Variants in BAZ1B observed in about 807,000 individuals in gnomAD.
The protein encoded by BAZ1B is tyrosine-protein kinase BAZ1B.
In BAZ1B, 22 loss-of-function variants were observed where a neutral mutation model predicts 153.8. The ratio of observed to expected loss-of-function variants is 0.14; its 90% CI spans 0.10 to 0.20. BAZ1B has a LOEUF of 0.20. BAZ1B is among the 10% of genes least tolerant of loss of function. The probability of loss-of-function intolerance (pLI) is 1.00; values close to 1 mark genes in which losing one functional copy is unlikely to be tolerated. For synonymous variants in BAZ1B, 676 were observed against 633.4 expected (o/e 1.07, Z -1.01); for missense variants, 1,325 against 1,799.3 (o/e 0.74, Z 4.77).
intron 2 of BAZ1B, among the ~76,000 whole-genome samples, chr7:73,509,092 C>T (rs1394657133): frequency 2.0e-5 from 3 of 151,854 alleles, no homozygotes; most frequent in East Asian, 1.9e-4. Flanking sequence ...GAGGCCAAGG[C>T]GGGCAGATCA....
chr7:73,447,217 G>A (rs1554566869), intron 16 of BAZ1B, 47 bp downstream of exon 16: 1 of 1,612,340 alleles, frequency 6.2e-7, no homozygotes. Flanking sequence ...AGCGTTCCAA[G>A]CTTAGAAGAC....
intron 9 of BAZ1B, among the ~76,000 whole-genome samples, 188 bp downstream of exon 9, chr7:73,469,329 G>GTT (rs1788710643): frequency 1.3e-5 from 2 of 152,128 alleles, no homozygotes; most frequent in African/African-American, 4.8e-5. Flanking sequence ...TAGAACAAAG[G>GTT]TGGTAATCAA....
intron 12 of BAZ1B, among the ~76,000 whole-genome samples, chr7:73,461,717 T>A (rs1788402534): frequency 6.6e-6 from 1 of 152,136 alleles, no homozygotes; most frequent in South Asian, 2.1e-4. Context: ...CTAAAATAGT[T>A]GAAAAGTACT....
Position 73,472,031 on chromosome 7 carries a change from A to G in BAZ1B, c.2594-1548T>C, listed in dbSNP as rs1019860534. Among the ~76,000 whole-genome samples the G allele has an allele frequency of 2.6e-5, 4 of 152,318 alleles. No individual in the cohort carries two copies. In the East Asian group the frequency reaches 7.7e-4, roughly 29 times the overall value. ...GGTTACAGCACTGAACTAGTTATCC[A>G]AAGACCTGAACTCTAATCCAAATAC... On this transcript the variant is annotated intron_variant, in intron 7 of 19. Coordinates refer to ENST00000339594, the MANE Select transcript of BAZ1B (RefSeq NM_032408.4).
At chr7:73,485,337 T>C (rs1487051059) in intron 6 of BAZ1B, among the ~76,000 whole-genome samples, 2 of 152,112 alleles carry the variant, frequency 1.3e-5, no homozygotes, top group Non-Finnish European at 2.9e-5. Context: ...GACAGCAGAT[T>C]AGGCCAGATG....
In BAZ1B at chr7:73,447,274, A is replaced by C; in HGVS notation, c.3834T>G (p.Ala1278=). 1 of 1,613,894 alleles carries C rather than the reference A, an allele frequency of 6.2e-7. No homozygotes were observed. The highest frequency in any genetic ancestry group is 2.2e-5 in the East Asian group (1 of 44,890). ...EEEEEEDYEV[A]GLRLRPRKTI... is the part of the protein sequence containing the mutation. ...AGACAAAATACTTACATCGCAAACC[A>C]GCCACCTCATAATCTTCTTCCTCCT... Residue 1278 remains alanine (A), a synonymous_variant, in exon 16 of 20, where the codon GCT becomes GCG. Coordinates refer to ENST00000339594, the MANE Select transcript of BAZ1B (RefSeq NM_032408.4).
At chr7:73,510,888 AAC>A in intron 1 of BAZ1B, 36 bp from the exon 2 acceptor site, 1 of 1,562,372 alleles carries the variant, frequency 6.4e-7, no homozygotes, top group Non-Finnish European at 8.8e-7. Flanking sequence ...ATATGCAAGC[AAC>A]AGAGACGACA....
intron 4 of BAZ1B, among the ~76,000 whole-genome samples, chr7:73,497,191 C>G (rs1201711018): frequency 6.6e-6 from 1 of 150,604 alleles, no homozygotes; most frequent in African/African-American, 2.5e-5. Context: ...TGCAGTGAGC[C>G]ATGATCGTAC....
At position 73,497,581 on chromosome 7, in the gene BAZ1B, T is replaced by A. The variant is rs1789966057; in HGVS notation, c.571+916A>T. On this transcript the variant is annotated intron_variant, in intron 4 of 19. Transcript: ENST00000339594. ...TGACATACCTAACTCTTTGTTCTTTTTTTACAATATTTCTAGGTTACTCAG... is the reference window on the plus strand; with the variant it reads ...TGACATACCTAACTCTTTGTTCTTTATTTACAATATTTCTAGGTTACTCAG... Among the ~76,000 whole-genome samples, 3 of 152,306 alleles carry A rather than the reference T, an allele frequency of 2.0e-5. 1 individual carries two copies. The South Asian group carries it at 6.2e-4, about 32-fold the overall frequency.
Position 73,447,301 on chromosome 7 carries a change from C to A in BAZ1B, c.3807G>T (p.Glu1269Asp). The change falls in exon 16 of 20, where the codon GAG becomes GAT. Residue 1269 changes from glutamate to aspartate, a missense_variant. This residue lies in a region of BAZ1B where 271 missense variants were observed against 337.2 expected (regional missense o/e 0.80). Coordinates refer to ENST00000339594, the MANE Select transcript of BAZ1B (RefSeq NM_032408.4). ...SDEEEEEEEE[E>D]EEEEDYEVAG... ...CCACCTCATAATCTTCTTCCTCCTC[C>A]TCCTCTTCTTCCTCCTCCTCCTCTT... The A allele has an allele frequency of 6.2e-7, 1 of 1,608,686 alleles. No homozygotes were observed.
chr7:73,493,072 C>G, intron 4 of BAZ1B, 151 bp from the exon 5 acceptor site: 1 of 756,720 alleles, frequency 1.3e-6, no homozygotes, highest in East Asian at 2.9e-5. Flanking sequence ...CTTCAAGGAG[C>G]TAAAGTCTAT....
Position 73,522,270 on chromosome 7 carries a change from C to G in BAZ1B, c.-337G>C, listed in dbSNP as rs896735896. 1.7e-4 allele frequency: 63 copies of G among 374,736 alleles called. No homozygotes were observed. Among genetic ancestry groups the G allele is most frequent in the African/African-American group, 1.2e-3 (55 of 47,648 alleles). 23.2% of individuals were successfully genotyped at this position (374,736 alleles called of 1,614,324 possible). A position where few individuals can be genotyped will look rare whatever the true frequency, so the allele number is the denominator to read the frequency against. The stretch of plus-strand genomic sequence containing the variant: ...AATGGCGGGAGATTCCCCTCCTCCC[C>G]CGGGCCCGGCCAACGCACACACTAA... On this transcript the variant is annotated 5_prime_UTR_variant, in exon 1 of 20. Coordinates refer to ENST00000339594, the MANE Select transcript of BAZ1B (RefSeq NM_032408.4).
chr7:73,508,611 TG>T, intron 2 of BAZ1B, 140 bp from the exon 3 acceptor site: 1 of 991,084 alleles, frequency 1.0e-6, no homozygotes, highest in Non-Finnish European at 1.4e-6. Flanking sequence ...TGGAGTGCAG[TG>T]GCACAATCAT....
Position 73,457,901 on chromosome 7 carries a change from G to A in BAZ1B, c.3432+1635C>T, listed in dbSNP as rs79923586. 8.8e-3 allele frequency among the ~76,000 whole-genome samples: 1,336 copies of A among 152,264 alleles called. 18 individuals carry two copies. Among genetic ancestry groups the A allele is most frequent in the African/African-American group, 0.031 (1,305 of 41,552 alleles). On this transcript the variant is annotated intron_variant, in intron 13 of 19. Transcript: ENST00000339594. ...GAAGGAAGGAGTGTTCAGAGAACAC[G>A]TGAAAGCCCCACGTACCCCTGCTCC...
chr7:73,442,839 A>G lies in BAZ1B; in HGVS notation c.3991-11T>C. ...CTTGGTCTGAAGCACCTGGCAGGAA[A>G]GAAAGAACAATGTTATTACAGATTC... On this transcript the variant is annotated splice_polypyrimidine_tract_variant and intron_variant, in intron 17 of 19. Transcript: ENST00000339594. The G allele has an allele frequency of 6.2e-7, 1 of 1,601,776 alleles. No individual in the cohort carries two copies. The highest frequency in any genetic ancestry group is 1.1e-5 in the South Asian group (1 of 90,740).
rs149636011 is a variant in BAZ1B, at chr7:73,467,851, C to T, written c.2867-1450G>A. Among the ~76,000 whole-genome samples, 14 of 152,312 alleles carry T rather than the reference C, an allele frequency of 9.2e-5. No homozygotes were observed. The East Asian group carries it at 2.5e-3, about 27-fold the overall frequency. ...TCCAAATCTAAACATCCAGGCTCCA[C>T]AGTTACTGCTCTCAAACCTAACTGC... On this transcript the variant is annotated intron_variant, in intron 9 of 19. Coordinates refer to ENST00000339594, the MANE Select transcript of BAZ1B (RefSeq NM_032408.4).
intron 7 of BAZ1B, among the ~76,000 whole-genome samples, chr7:73,472,939 G>C (rs897128444): frequency 6.7e-6 from 1 of 148,794 alleles, no homozygotes; most frequent in African/African-American, 2.5e-5. Flanking sequence ...ACACCCAGCT[G>C]ATCTTTTTTT....
At chr7:73,444,780 T>C (rs1274281597) in intron 16 of BAZ1B, among the ~76,000 whole-genome samples, 7 of 152,090 alleles carry the variant, frequency 4.6e-5, no homozygotes, top group Non-Finnish European at 1.0e-4. Context: ...TTTAGGAGGC[T>C]GAGGCAGGTG....
At position 73,522,271 on chromosome 7, in the gene BAZ1B, C is replaced by G. The variant is rs1013968955; in HGVS notation, c.-338G>C. 49 of 373,986 alleles carry G rather than the reference C, an allele frequency of 1.3e-4. No homozygotes were observed. Among genetic ancestry groups the G allele is most frequent in the Non-Finnish European group, 2.1e-4 (45 of 210,424 alleles). 23.2% of individuals were successfully genotyped at this position (373,986 alleles called of 1,614,324 possible). On this transcript the variant is annotated 5_prime_UTR_variant, in exon 1 of 20. Coordinates refer to ENST00000339594, the MANE Select transcript of BAZ1B (RefSeq NM_032408.4). Reference sequence around the variant, plus strand: ...ATGGCGGGAGATTCCCCTCCTCCCCCGGGCCCGGCCAACGCACACACTAAC... The same window carrying G: ...ATGGCGGGAGATTCCCCTCCTCCCCGGGGCCCGGCCAACGCACACACTAAC...
Sources: gnomAD v4.1 joint callset for allele counts (sites outside exome capture counted in the v4.1 genomes callset) on GRCh38, gnomAD v4.1.1 for gene constraint, gnomAD v4.1.1 regional missense constraint, MANE v1.5 for transcripts, NCBI Gene and HGNC (gene_info 2026-07-23, HGNC 2026-07-21) for gene names.